The following RABEP1 variants were observed in gnomAD, a reference collection of about 807,000 sequenced individuals.
The protein encoded by RABEP1 is rab GTPase-binding effector protein 1.
Under a neutral mutation model 123.4 loss-of-function variants are expected in RABEP1, and 51 were observed. That is an observed-to-expected ratio of 0.41 (90% confidence interval 0.33 to 0.52). The LOEUF (loss-of-function observed/expected upper bound fraction) is 0.52, where lower values mean the gene tolerates loss of function less well. RABEP1 is among the 20% of genes least tolerant of loss of function. The pLI, the probability that RABEP1 is intolerant of heterozygous loss-of-function variation, is 0.16. For synonymous variants in RABEP1, 347 were observed against 355.2 expected, an observed-to-expected ratio of 0.98 and a Z score of 0.26; for missense variants, 888 against 996.3, an observed-to-expected ratio of 0.89 and a Z score of 1.46.
chr17:5,334,537 T>C (rs1003772538), intron 3 of RABEP1, among the ~76,000 whole-genome samples: 3 of 152,188 alleles, frequency 2.0e-5, no homozygotes, highest in Non-Finnish European at 2.9e-5. Context: ...CGGCAATTTT[T>C]CTATCTTTGG....
At chr17:5,381,571 C>G (rs1911454992) in intron 17 of RABEP1, 66 bp downstream of exon 17, 1 of 1,541,922 alleles carries the variant, frequency 6.5e-7, no homozygotes, top group Middle Eastern at 1.7e-4. Flanking sequence ...CCTTGCCGAT[C>G]CCTGACTTGA....
At chr17:5,318,341 T>C (rs2075318640) in intron 2 of RABEP1, among the ~76,000 whole-genome samples, 1 of 152,158 alleles carries the variant, frequency 6.6e-6, no homozygotes, top group African/African-American at 2.4e-5. Flanking sequence ...TCAAAATTAC[T>C]GATTGGTTAC....
chr17:5,320,720 C>T (rs2144564064), intron 2 of RABEP1, among the ~76,000 whole-genome samples: 2 of 152,152 alleles, frequency 1.3e-5, no homozygotes, highest in South Asian at 4.1e-4. Flanking sequence ...AACTTGTTAT[C>T]TACAAGATGT....
chr17:5,350,541 G>A lies in RABEP1; in HGVS notation c.875G>A (p.Arg292His), dbSNP rs374038199. 1.1e-5 allele frequency: 18 copies of A among 1,613,970 alleles called. No individual in the cohort carries two copies. Among genetic ancestry groups the A allele is most frequent in the Middle Eastern group, 1.6e-4 (1 of 6,082 alleles). Residue 292 changes from arginine (R) to histidine (H), a missense_variant, in exon 7 of 18, where the codon CGT (arginine) becomes CAT (histidine). Transcript: ENST00000537505. ...KANDQFLESQ[R>H]LLMRDMQRME... is the part of the protein sequence containing the mutation. ...AATGACCAGTTTCTGGAATCTCAGCGTTTACTGATGAGAGACATGCAGCGA... is the reference window on the plus strand; with the variant it reads ...AATGACCAGTTTCTGGAATCTCAGCATTTACTGATGAGAGACATGCAGCGA...
chr17:5,374,304 G>A (rs1016833450), intron 13 of RABEP1, among the ~76,000 whole-genome samples: 11 of 151,914 alleles, frequency 7.2e-5, no homozygotes, highest in Non-Finnish European at 1.5e-4. Flanking sequence ...CTGACCTCAC[G>A]TGAGCCACCA....
chr17:5,334,929 T>A (rs779844574), intron 3 of RABEP1, among the ~76,000 whole-genome samples: 6 of 152,216 alleles, frequency 3.9e-5, no homozygotes, highest in Non-Finnish European at 8.8e-5. Context: ...GCCAGACTAT[T>A]TAATCTTTCC....
chr17:5,382,887 T>TCTGGCCTGGG (rs1555527014), intron 17 of RABEP1, among the ~76,000 whole-genome samples: 2 of 152,020 alleles, frequency 1.3e-5, no homozygotes, highest in East Asian at 1.9e-4. Context: ...ACCATTGCAC[T>TCTGGCCTGGG]CTGGCCTGGG....
intron 2 of RABEP1, among the ~76,000 whole-genome samples, chr17:5,323,240 C>T (rs1567521672): frequency 6.6e-6 from 1 of 152,192 alleles, no homozygotes; most frequent in East Asian, 1.9e-4. Context: ...CATGACAAAC[C>T]CACAACTAGC....
At position 5,338,010 on chromosome 17, in the gene RABEP1, T is replaced by A. The variant is rs768118437; in HGVS notation, c.529-9T>A. 6.9e-6 allele frequency: 11 copies of A among 1,599,146 alleles called. No homozygotes were observed. Among genetic ancestry groups the A allele is most frequent in the Non-Finnish European group, 9.4e-6 (11 of 1,175,458 alleles). ...ATAAGTCGTAGCATTTAATTCTTTT[T>A]AACCATAGGCCCAAGAGGATGCTGA... On this transcript the variant is annotated splice_polypyrimidine_tract_variant and intron_variant, in intron 4 of 17. Transcript: ENST00000537505.
In RABEP1 at chr17:5,331,983, T is replaced by G; in HGVS notation, c.198T>G (p.Ala66=). The part of the protein sequence containing the change: ...DLKRQNAVLQ[A]AQDDLGHLRT... ...AGAGGCAAAATGCAGTATTACAAGCTGCACAAGATGATTTGGGACACCTTC... is the reference window on the plus strand; with the variant it reads ...AGAGGCAAAATGCAGTATTACAAGCGGCACAAGATGATTTGGGACACCTTC... The change falls in exon 3 of 18, where the codon GCT becomes GCG. Residue 66 remains alanine, a synonymous_variant. Transcript: ENST00000537505. 1 of 1,614,034 alleles carries G rather than the reference T, an allele frequency of 6.2e-7. No individual in the cohort carries two copies. The highest frequency in any genetic ancestry group is 1.7e-4 in the Middle Eastern group (1 of 6,058).
intron 3 of RABEP1, among the ~76,000 whole-genome samples, chr17:5,333,028 A>G (rs1906714233): frequency 6.6e-6 from 1 of 152,204 alleles, no homozygotes; most frequent in Non-Finnish European, 1.5e-5. Context: ...TTCGTCTAAA[A>G]GAAGAGACGT....
chr17:5,344,121 A>G (rs550457972), intron 5 of RABEP1, among the ~76,000 whole-genome samples: 4 of 152,342 alleles, frequency 2.6e-5, no homozygotes, highest in Admixed American at 1.3e-4. Flanking sequence ...GAAGATATCA[A>G]TACCTCATAA....
intron 1 of RABEP1, among the ~76,000 whole-genome samples, chr17:5,305,209 GT>G (rs936741763): frequency 3.6e-4 from 54 of 148,344 alleles, no homozygotes; most frequent in African/African-American, 1.3e-3. Context: ...GTAAAAAGCA[GT>G]TTTTTTTGTC....
intron 4 of RABEP1, chr17:5,336,522 T>G (rs539045642): frequency 2.1e-6 from 1 of 473,644 alleles, no homozygotes; most frequent in South Asian, 1.6e-5. Flanking sequence ...CATTTAGTTG[T>G]GTCTCCTTAG....
chr17:5,291,466 AT>A (rs1468659917), intron 1 of RABEP1, among the ~76,000 whole-genome samples: 1 of 152,232 alleles, frequency 6.6e-6, no homozygotes, highest in African/African-American at 2.4e-5. Context: ...TTTATTCTAC[AT>A]TTTAAATTAA....
intron 1 of RABEP1, 152 bp from the exon 2 acceptor site, chr17:5,308,542 A>G: frequency 1.4e-6 from 1 of 716,454 alleles, no homozygotes. Context: ...ACTTTTTTTA[A>G]ACATTAGAAT....
In RABEP1 at chr17:5,358,805, G is replaced by A. The variant is rs915588503; in HGVS notation, c.1096-2403G>A. 2.0e-5 allele frequency among the ~76,000 whole-genome samples: 3 copies of A among 152,168 alleles called. No individual in the cohort carries two copies. In the East Asian group the frequency reaches 5.8e-4, roughly 29 times the overall value. On this transcript the variant is annotated intron_variant, in intron 8 of 17. Coordinates refer to ENST00000537505, the MANE Select transcript of RABEP1 (RefSeq NM_004703.6). The stretch of plus-strand genomic sequence containing the variant: ...GGGTCTCGTTCTTGCCACCCAGGCT[G>A]GCTAGAGTACAGTGGCACCATCACA...
At chr17:5,349,717 G>GT (rs879575340) in intron 6 of RABEP1, among the ~76,000 whole-genome samples, 54 of 146,222 alleles carry the variant, frequency 3.7e-4, no homozygotes, top group African/African-American at 3.5e-4. Context: ...ACTGTGAAAA[G>GT]TTTTTTTTTT....
rs968855788 is a variant in RABEP1 at position 5,368,296 on chromosome 17, G to A, written c.1786-74G>A. 11 of 988,022 alleles carry A rather than the reference G, an allele frequency of 1.1e-5. No individual in the cohort carries two copies. The African/African-American group carries it at 1.8e-4, about 16-fold the overall frequency. 61.2% of individuals were successfully genotyped at this position (988,022 alleles called of 1,614,324 possible). The stretch of plus-strand genomic sequence containing the variant: ...AAATGTCAATTCCAGACACTAAATA[G>A]TTAGAAGATGGAAGAGTTAGTTTCA... On this transcript the variant is annotated intron_variant, in intron 11 of 17. Coordinates refer to ENST00000537505, the MANE Select transcript of RABEP1 (RefSeq NM_004703.6).
Sources: gnomAD v4.1 joint callset for allele counts (sites outside exome capture counted in the v4.1 genomes callset) on GRCh38, gnomAD v4.1.1 for gene constraint, MANE v1.5 for transcripts, NCBI Gene and HGNC (gene_info 2026-07-23, HGNC 2026-07-21) for gene names.